SMYD4: variants seen among roughly 807,000 people sequenced by gnomAD.
SMYD4 encodes SET and MYND domain containing 4.
SMYD4 carries 68 observed loss-of-function variants against 72.8 expected under a neutral mutation model. The ratio of observed to expected loss-of-function variants is 0.93; its 90% CI spans 0.77 to 1.14. The LOEUF is 1.14. SMYD4 is among the 50% of genes most tolerant of loss of function. SMYD4 has a pLI of 0.00. For missense variants in SMYD4, 984 were observed against 1,003.7 expected (o/e 0.98, Z 0.27); for synonymous variants, 407 against 388.6 (o/e 1.05, Z -0.56).
At chr17:1,820,368 T>C (rs1207756334) in intron 2 of SMYD4, among the ~76,000 whole-genome samples, 1 of 151,884 alleles carries the variant, frequency 6.6e-6, no homozygotes, top group Admixed American at 6.6e-5. Context: ...GCCTCCCAAA[T>C]AGCTATGGCT....
chr17:1,811,974 A>G lies in SMYD4; in HGVS notation c.276T>C (p.Ser92=), dbSNP rs772283678. The change falls in exon 3 of 11, where the codon TCT becomes TCC. Residue 92 remains serine (S), a synonymous_variant. Transcript: ENST00000305513. ...GCTTGAGCTGGGAGTGTTTTACCTT[A>G]GAGTACAGCACTGCAGCTCCTGTGT... ...KDYTGAAVLY[S]KGVSHSRPNT... 2.5e-6 allele frequency: 4 copies of G among 1,611,646 alleles called. No individual in the cohort carries two copies. Among genetic ancestry groups the G allele is most frequent in the African/African-American group, 2.7e-5 (2 of 74,710 alleles).
chr17:1,821,221 A>T (rs1358263708), intron 2 of SMYD4, among the ~76,000 whole-genome samples: 1 of 152,118 alleles, frequency 6.6e-6, no homozygotes, highest in Non-Finnish European at 1.5e-5. Flanking sequence ...AATGAGGGAA[A>T]AACAAAGTAT....
At chr17:1,809,683 TTG>T (rs1555578977) in intron 3 of SMYD4, among the ~76,000 whole-genome samples, 21 of 73,872 alleles carry the variant, frequency 2.8e-4, no homozygotes, top group Non-Finnish European at 6.3e-4. Flanking sequence ...CCTATTATTA[TTG>T]TTTTGAGACA....
chr17:1,805,927 CT>C (rs34177306), intron 3 of SMYD4, among the ~76,000 whole-genome samples: 101 of 140,434 alleles, frequency 7.2e-4, no homozygotes, highest in East Asian at 2.1e-3. Flanking sequence ...ACATCAAATT[CT>C]TTTTTTTTTT....
chr17:1,801,928 A>C (rs1341635858), intron 4 of SMYD4, among the ~76,000 whole-genome samples: 1 of 152,206 alleles, frequency 6.6e-6, no homozygotes, highest in South Asian at 2.1e-4. Flanking sequence ...GCGAGCCGAG[A>C]TCATGCCACT....
chr17:1,817,925 T>G (rs1190642739), intron 2 of SMYD4, among the ~76,000 whole-genome samples: 1 of 151,662 alleles, frequency 6.6e-6, no homozygotes, highest in Non-Finnish European at 1.5e-5. Flanking sequence ...CGGGTGCCTG[T>G]AGTCCCAGCT....
At chr17:1,802,032 A>T (rs879557253) in intron 4 of SMYD4, among the ~76,000 whole-genome samples, 6 of 152,056 alleles carry the variant, frequency 3.9e-5, no homozygotes, top group Non-Finnish European at 8.8e-5. Context: ...TAGCCACATG[A>T]CCTTGTGCAA....
chr17:1,819,870 C>T lies in SMYD4; in HGVS notation c.135-7755G>A, dbSNP rs1214069490. Among the ~76,000 whole-genome samples, 6 of 152,272 alleles carry T rather than the reference C, an allele frequency of 3.9e-5. No individual in the cohort carries two copies. In the East Asian group the frequency reaches 1.2e-3, roughly 29 times the overall value. ...TGGCACGATCCTGGTTCACTGCAAC[C>T]TTCGCCTCTGGGGTTCAAGCAATTC... On this transcript the variant is annotated intron_variant, in intron 2 of 10. Transcript: ENST00000305513.
At chr17:1,815,067 T>TA (rs936622879) in intron 2 of SMYD4, among the ~76,000 whole-genome samples, 39 of 151,972 alleles carry the variant, frequency 2.6e-4, no homozygotes, top group African/African-American at 7.5e-4. Flanking sequence ...AATGTCTTTT[T>TA]TTTTTTCTTT....
Position 1,786,962 on chromosome 17 carries a change from T to C in SMYD4, c.1732A>G (p.Ser578Gly). 6.2e-7 allele frequency: 1 copy of C among 1,613,694 alleles called. No homozygotes were observed. The highest frequency in any genetic ancestry group is 8.5e-7 in the Non-Finnish European group (1 of 1,180,002). Residue 578 changes from serine to glycine, a missense_variant, in exon 7 of 11, where the codon AGC becomes GGC. Coordinates refer to ENST00000305513, the MANE Select transcript of SMYD4 (RefSeq NM_052928.3). ...TGCCTTTCGGCAACCCCCATCCGGC[T>C]CTTGTGAGGCCCTGGAGGGAGATCA... ...EILHCYGPHK[S>G]RMGVAERQQK...
chr17:1,804,896 A>C (rs943160455), intron 3 of SMYD4, among the ~76,000 whole-genome samples, 181 bp from the exon 4 acceptor site: 51 of 152,326 alleles, frequency 3.3e-4, no homozygotes, highest in African/African-American at 1.2e-3. Context: ...GCAAGTGAGG[A>C]CATCAGTATT....
intron 4 of SMYD4, among the ~76,000 whole-genome samples, chr17:1,802,849 T>C (rs1909838309): frequency 1.3e-5 from 2 of 152,208 alleles, no homozygotes; most frequent in African/African-American, 2.4e-5. Context: ...GGTCACTTCC[T>C]GTTTTAAAAA....
intron 3 of SMYD4, among the ~76,000 whole-genome samples, chr17:1,805,194 A>C: frequency 6.6e-6 from 1 of 152,078 alleles, no homozygotes; most frequent in South Asian, 2.1e-4. Flanking sequence ...AGGCATGTGG[A>C]TCACTTGAGG....
chr17:1,798,070 G>C (rs1909499856), intron 5 of SMYD4, among the ~76,000 whole-genome samples: 2 of 151,922 alleles, frequency 1.3e-5, no homozygotes, highest in South Asian at 4.2e-4. Context: ...CTGCAGTCTG[G>C]TTTGACTATT....
At position 1,784,368 on chromosome 17, in the gene SMYD4, G is replaced by A. The variant is rs1370834444; in HGVS notation, c.1978C>T (p.Gln660Ter). The stretch of plus-strand genomic sequence containing the variant: ...AGAAGCTTCTGGGCCACTCTGACCT[G>A]CTGCTGTAGGTCCTGTAACCGAGAG... ...LVSRLQDLQQ[Q>*]VRVAQKLLRD... is the part of the protein sequence containing the mutation. Residue 660 changes from glutamine to a stop codon, truncating the protein, a stop_gained, in exon 8 of 11, where the codon CAG (glutamine) becomes TAG (stop). Transcript: ENST00000305513. LOFTEE classifies it high-confidence loss of function. The A allele has an allele frequency of 8.7e-6, 14 of 1,614,210 alleles. No homozygotes were observed. The highest frequency in any genetic ancestry group is 1.3e-5 in the African/African-American group (1 of 75,054).
At chr17:1,783,313 C>A (rs775166601) in intron 9 of SMYD4, 47 bp downstream of exon 9, 1 of 1,610,818 alleles carries the variant, frequency 6.2e-7, no homozygotes, top group East Asian at 2.2e-5. Flanking sequence ...GGCGAAGTGC[C>A]CACAGCAGAC....
intron 2 of SMYD4, among the ~76,000 whole-genome samples, chr17:1,819,883 G>T (rs1490391294): frequency 3.9e-5 from 6 of 152,176 alleles, no homozygotes; most frequent in African/African-American, 1.2e-4. Context: ...CGCCTCTGGG[G>T]TTCAAGCAAT....
chr17:1,792,119 T>G (rs1012053257), intron 5 of SMYD4, among the ~76,000 whole-genome samples: 1 of 151,726 alleles, frequency 6.6e-6, no homozygotes, highest in Admixed American at 6.6e-5. Context: ...CGCGGCTCAG[T>G]GCAAGCTCCG....
intron 3 of SMYD4, among the ~76,000 whole-genome samples, chr17:1,808,738 C>A (rs1910172477): frequency 6.6e-6 from 1 of 152,134 alleles, no homozygotes; most frequent in Non-Finnish European, 1.5e-5. Context: ...GAAGAACTTC[C>A]CATGTGATCA....
Sources: gnomAD v4.1 joint callset for allele counts (sites outside exome capture counted in the v4.1 genomes callset) on GRCh38, gnomAD v4.1.1 for gene constraint, MANE v1.5 for transcripts, NCBI Gene and HGNC (gene_info 2026-07-23, HGNC 2026-07-21) for gene names.